TMEM178B: variants seen among roughly 807,000 people sequenced by gnomAD.
TMEM178B encodes transmembrane protein 178B.
Under a neutral mutation model 31.0 loss-of-function variants are expected in TMEM178B, and 5 were observed. That is an observed-to-expected ratio of 0.16 (90% CI 0.08 to 0.34). The LOEUF (loss-of-function observed/expected upper bound fraction) is 0.34. Ranked by LOEUF, TMEM178B falls within the 10% of genes least tolerant of loss-of-function variation. TMEM178B has a pLI of 1.00. For synonymous variants in TMEM178B, 164 were observed against 164.0 expected (o/e 1.00, Z 0.00); for missense variants, 275 against 400.3 (o/e 0.69, Z 2.67).
At chr7:141,209,633 T>C (rs980508220) in intron 1 of TMEM178B, among the ~76,000 whole-genome samples, 2 of 151,864 alleles carry the variant, frequency 1.3e-5, no homozygotes, top group Admixed American at 6.6e-5. Flanking sequence ...AGTTGGGGAG[T>C]GAGGCATGTA....
intron 1 of TMEM178B, among the ~76,000 whole-genome samples, chr7:141,191,621 A>G (rs758219385): frequency 2.0e-4 from 30 of 152,178 alleles, no homozygotes; most frequent in Non-Finnish European, 4.1e-4. Context: ...ATCTTTTCAT[A>G]TGTTTAAGTA....
intron 3 of TMEM178B, among the ~76,000 whole-genome samples, chr7:141,467,161 A>G (rs1300218523): frequency 6.6e-6 from 1 of 152,062 alleles, no homozygotes; most frequent in African/African-American, 2.4e-5. Context: ...ATAGATTCCC[A>G]TGCTCTTCCC....
chr7:141,145,226 G>A (rs1364512639), intron 1 of TMEM178B, among the ~76,000 whole-genome samples: 1 of 152,122 alleles, frequency 6.6e-6, no homozygotes, highest in East Asian at 1.9e-4. Context: ...CCCTCGGTCA[G>A]TCCCTGGCTC....
chr7:141,319,054 A>C (rs760727836), intron 2 of TMEM178B, among the ~76,000 whole-genome samples: 1 of 152,256 alleles, frequency 6.6e-6, no homozygotes, highest in Non-Finnish European at 1.5e-5. Context: ...CCAAAAAAGC[A>C]AAGTACAAAG....
At chr7:141,125,212 T>G (rs752674190) in intron 1 of TMEM178B, among the ~76,000 whole-genome samples, 2 of 152,314 alleles carry the variant, frequency 1.3e-5, no homozygotes, top group Middle Eastern at 3.4e-3. Flanking sequence ...GTTAAGACAT[T>G]AACAAAAATT....
At chr7:141,483,070 C>T (rs1034651986), downstream of TMEM178B, among the ~76,000 whole-genome samples, 2 of 152,158 alleles carry the variant, frequency 1.3e-5, no homozygotes, top group Non-Finnish European at 2.9e-5. Flanking sequence ...AACTATCTAG[C>T]ATGACCCAAG....
intron 3 of TMEM178B, among the ~76,000 whole-genome samples, chr7:141,450,238 C>T (rs938715821): frequency 6.6e-6 from 1 of 152,236 alleles, no homozygotes; most frequent in Admixed American, 6.5e-5. Context: ...CAAGATCTGG[C>T]TGTGAAGGAG....
At chr7:141,164,927 G>A (rs1035008644) in intron 1 of TMEM178B, among the ~76,000 whole-genome samples, 7 of 152,020 alleles carry the variant, frequency 4.6e-5, no homozygotes, top group African/African-American at 1.7e-4. Context: ...TCATTTAACA[G>A]GTAAGCAATA....
intron 2 of TMEM178B, among the ~76,000 whole-genome samples, chr7:141,335,629 AT>A (rs200979181): frequency 1.2e-4 from 18 of 151,990 alleles, no homozygotes; most frequent in Middle Eastern, 3.4e-3. Flanking sequence ...TGGGATTACT[AT>A]TTTCCCCCCT....
At chr7:141,238,007 G>A (rs1184214628) in intron 2 of TMEM178B, among the ~76,000 whole-genome samples, 2 of 140,938 alleles carry the variant, frequency 1.4e-5, no homozygotes, top group African/African-American at 5.3e-5. Flanking sequence ...CTGGGTGACA[G>A]AGCAAGACTC....
intron 2 of TMEM178B, among the ~76,000 whole-genome samples, chr7:141,364,980 T>C (rs1292112838): frequency 7.2e-5 from 11 of 152,270 alleles, no homozygotes; most frequent in African/African-American, 2.7e-4. Flanking sequence ...TCCTGACTTA[T>C]TGATGTTGTA....
Position 141,096,759 on chromosome 7 carries a change from A to G in TMEM178B, c.382+22067A>G, listed in dbSNP as rs193064073. 2.6e-3 allele frequency among the ~76,000 whole-genome samples: 400 copies of G among 152,278 alleles called. 3 individuals are homozygous for G. The highest frequency in any genetic ancestry group is 9.3e-3 in the African/African-American group (388 of 41,548). ...TGCCTCAGCAAATTAATCAAACCCA[A>G]AAGGGGATCATGGGAACCTTAACTT... On this transcript the variant is annotated intron_variant, in intron 1 of 3. Transcript: ENST00000565468.
intron 3 of TMEM178B, among the ~76,000 whole-genome samples, chr7:141,464,406 C>T (rs1334952893): frequency 1.3e-5 from 2 of 152,256 alleles, no homozygotes; most frequent in South Asian, 2.1e-4. Flanking sequence ...TTTTACAGAT[C>T]GGGGACCCAC....
intron 1 of TMEM178B, among the ~76,000 whole-genome samples, chr7:141,188,672 GT>G (rs1796650804): frequency 6.6e-6 from 1 of 152,218 alleles, no homozygotes; most frequent in Admixed American, 6.5e-5. Context: ...TTACATTCTA[GT>G]TAGGATAAGC....
chr7:141,498,044 T>G, the TMEM178B span, among the ~76,000 whole-genome samples: 2 of 152,178 alleles, frequency 1.3e-5, no homozygotes, highest in Non-Finnish European at 2.9e-5. Context: ...AAGCTACCTT[T>G]TAAAGACTCA....
chr7:141,185,147 G>A (rs1366721072), intron 1 of TMEM178B, among the ~76,000 whole-genome samples: 1 of 152,204 alleles, frequency 6.6e-6, no homozygotes, highest in Non-Finnish European at 1.5e-5. Flanking sequence ...AGTATCTAGG[G>A]GTGAATGTTT....
intron 1 of TMEM178B, among the ~76,000 whole-genome samples, chr7:141,182,820 C>T (rs1446235552): frequency 7.2e-5 from 11 of 152,194 alleles, no homozygotes; most frequent in African/African-American, 2.2e-4. Context: ...CCCTGAGCCA[C>T]GTAAGATGTG....
At chr7:141,180,887 A>C (rs1796516640) in intron 1 of TMEM178B, among the ~76,000 whole-genome samples, 1 of 152,162 alleles carries the variant, frequency 6.6e-6, no homozygotes, top group Admixed American at 6.5e-5. Context: ...TCTAGGTTTT[A>C]TTGTGCCCTG....
intron 2 of TMEM178B, among the ~76,000 whole-genome samples, chr7:141,398,714 G>T (rs936413894): frequency 2.0e-5 from 3 of 152,178 alleles, no homozygotes; most frequent in Non-Finnish European, 4.4e-5. Context: ...GCCACAGGGG[G>T]TACTGTGGGA....
Sources: gnomAD v4.1 joint callset for allele counts (sites outside exome capture counted in the v4.1 genomes callset) on GRCh38, gnomAD v4.1.1 for gene constraint, MANE v1.5 for transcripts, NCBI Gene and HGNC (gene_info 2026-07-23, HGNC 2026-07-21) for gene names.